The following ESRRB variants were observed in gnomAD, a reference collection of about 807,000 sequenced individuals.
The protein encoded by ESRRB is estrogen related receptor beta, also known as steroid hormone receptor ERR2.
ESRRB carries 16 observed loss-of-function variants against 46.0 expected under a neutral mutation model. The observed-to-expected ratio is 0.35, with a 90% CI of 0.24 to 0.53. The LOEUF is 0.53. ESRRB is among the 20% of genes least tolerant of loss of function. ESRRB has a pLI of 0.93. For missense variants in ESRRB, 488 were observed against 607.4 expected (o/e 0.80, Z 2.07); for synonymous variants, 246 against 259.6 (o/e 0.95, Z 0.50).
chr14:76,355,776 G>A (rs1462515496), intron 1 of ESRRB, among the ~76,000 whole-genome samples: 1 of 152,158 alleles, frequency 6.6e-6, no homozygotes, highest in Non-Finnish European at 1.5e-5. Flanking sequence ...CAACACATAG[G>A]AGGGAATCAT....
At position 76,420,432 on chromosome 14, in the gene ESRRB, G is replaced by A. The variant is rs372453153; in HGVS notation, c.51-18909G>A. On this transcript the variant is annotated intron_variant, in intron 1 of 6. Transcript: ENST00000644823. ...CATAATAAGAACTCAGAAGACACTCGTGCTATTTATTATATTTTAAAACTT... is the reference window on the plus strand; with the variant it reads ...CATAATAAGAACTCAGAAGACACTCATGCTATTTATTATATTTTAAAACTT... Among the ~76,000 whole-genome samples, 39 of 152,270 alleles carry A rather than the reference G, an allele frequency of 2.6e-4. No homozygotes were observed. In the East Asian group the frequency reaches 5.0e-3, roughly 20 times the overall value.
chr14:76,452,051 C>T (rs934218084), intron 2 of ESRRB, among the ~76,000 whole-genome samples: 2 of 151,802 alleles, frequency 1.3e-5, no homozygotes, highest in African/African-American at 4.8e-5. Context: ...AAGTGATTCT[C>T]CTGCCTCAGC....
At position 76,498,195 on chromosome 14, in the gene ESRRB, C is replaced by G; in HGVS notation, c.1121-19C>G. 1 of 1,613,548 alleles carries G rather than the reference C, an allele frequency of 6.2e-7. No individual in the cohort carries two copies. The highest frequency in any genetic ancestry group is 8.5e-7 in the Non-Finnish European group (1 of 1,179,948). ...CACTCCCTGGCCAAGCCTGCTAATG[C>G]TCGTCCTTGTGCCTGCAGATTCCAT... On this transcript the variant is annotated intron_variant, in intron 6 of 6. Transcript: ENST00000644823.
chr14:76,379,316 C>A (rs1231751498), intron 1 of ESRRB, among the ~76,000 whole-genome samples: 2 of 152,104 alleles, frequency 1.3e-5, no homozygotes, highest in Non-Finnish European at 2.9e-5. Context: ...AGCTGGAGAC[C>A]CACGGCAAAC....
At chr14:76,416,947 G>A (rs1886731764) in intron 1 of ESRRB, among the ~76,000 whole-genome samples, 1 of 152,196 alleles carries the variant, frequency 6.6e-6, no homozygotes. Context: ...AAGAATGGCT[G>A]TGAAGAAAGT....
intron 1 of ESRRB, among the ~76,000 whole-genome samples, chr14:76,337,869 GGA>G (rs1884146216): frequency 6.6e-6 from 1 of 152,196 alleles, no homozygotes. Flanking sequence ...GGTTTTGTGT[GGA>G]CACAAGCTCC....
intron 1 of ESRRB, among the ~76,000 whole-genome samples, chr14:76,313,210 T>C (rs774261210): frequency 1.3e-5 from 2 of 152,162 alleles, no homozygotes; most frequent in African/African-American, 4.8e-5. Context: ...GTTATAGAGA[T>C]GCAGTTCAGG....
At chr14:76,389,038 C>A (rs866160996) in intron 1 of ESRRB, among the ~76,000 whole-genome samples, 3 of 152,174 alleles carry the variant, frequency 2.0e-5, no homozygotes, top group Non-Finnish European at 2.9e-5. Context: ...AGGCACCCCC[C>A]ACCAAGCCAA....
Position 76,435,692 on chromosome 14 carries a change from G to A in ESRRB, c.51-3649G>A, listed in dbSNP as rs565420878. On this transcript the variant is annotated intron_variant, in intron 1 of 6. Coordinates refer to ENST00000644823, the MANE Select transcript of ESRRB (RefSeq NM_001379180.1). ...CTAAAAATACAAAAATTAGTCAGTC[G>A]TGGTGGCGGGAGCCTGTAATTCCAG... is the stretch of plus-strand genomic sequence containing the variant. Among the ~76,000 whole-genome samples, 483 of 152,316 alleles carry A rather than the reference G, an allele frequency of 3.2e-3. 6 individuals are homozygous for A. The highest frequency in any genetic ancestry group is 0.011 in the African/African-American group (461 of 41,566).
intron 1 of ESRRB, among the ~76,000 whole-genome samples, chr14:76,382,114 G>A (rs985178084): frequency 2.6e-5 from 4 of 152,180 alleles, no homozygotes; most frequent in Non-Finnish European, 5.9e-5. Flanking sequence ...ATCAAAAGCC[G>A]TGTCCACCCC....
chr14:76,353,453 C>T (rs1884338435), intron 1 of ESRRB, among the ~76,000 whole-genome samples: 1 of 152,226 alleles, frequency 6.6e-6, no homozygotes, highest in African/African-American at 2.4e-5. Flanking sequence ...CCCGCCCTGC[C>T]TGCCTCTGTG....
intron 1 of ESRRB, among the ~76,000 whole-genome samples, chr14:76,360,809 C>T (rs1884453828): frequency 6.6e-6 from 1 of 152,178 alleles, no homozygotes; most frequent in Admixed American, 6.5e-5. Context: ...TTGCTCTGCC[C>T]TACTGCTCCA....
chr14:76,381,670 G>A (rs899137015), intron 1 of ESRRB, among the ~76,000 whole-genome samples: 1 of 152,098 alleles, frequency 6.6e-6, no homozygotes, highest in Admixed American at 6.5e-5. Context: ...TGGGCTCAGC[G>A]GGCAGTAGCT....
chr14:76,469,929 GTTTTTTTTTTTTTTCTTTTT>G (rs1270738085), intron 3 of ESRRB, among the ~76,000 whole-genome samples: 63 of 78,746 alleles, frequency 8.0e-4, no homozygotes, highest in Middle Eastern at 0.018. Flanking sequence ...GTTTTTTGTT[GTTTTTTTTTTTTTTCTTTTT>G]TTTTTTTTTT....
intron 3 of ESRRB, among the ~76,000 whole-genome samples, chr14:76,464,323 C>T (rs1237260327): frequency 6.6e-6 from 1 of 152,210 alleles, no homozygotes; most frequent in Non-Finnish European, 1.5e-5. Context: ...TACCCCCTCT[C>T]CCAGGGCCCT....
At chr14:76,466,404 G>T (rs1889112016) in intron 3 of ESRRB, among the ~76,000 whole-genome samples, 1 of 152,088 alleles carries the variant, frequency 6.6e-6, no homozygotes, top group Non-Finnish European at 1.5e-5. Flanking sequence ...CAGACTTGGG[G>T]CTTCCTCTGG....
chr14:76,480,959 C>T (rs1889781923), intron 3 of ESRRB, among the ~76,000 whole-genome samples: 1 of 152,138 alleles, frequency 6.6e-6, no homozygotes, highest in African/African-American at 2.4e-5. Context: ...ATTTCATGAT[C>T]AGGAAAAGGG....
At chr14:76,418,452 T>C (rs1244717978) in intron 1 of ESRRB, among the ~76,000 whole-genome samples, 1 of 152,210 alleles carries the variant, frequency 6.6e-6, no homozygotes, top group East Asian at 1.9e-4. Context: ...CCATACTTTA[T>C]TGAGATTTCA....
At chr14:76,460,223 G>A (rs187460819) in intron 2 of ESRRB, among the ~76,000 whole-genome samples, 177 of 152,320 alleles carry the variant, frequency 1.2e-3, no homozygotes, top group Admixed American at 3.8e-3. Context: ...CCCACCAGGC[G>A]ACCTCAGCCG....
Sources: gnomAD v4.1 joint callset for allele counts (sites outside exome capture counted in the v4.1 genomes callset) on GRCh38, gnomAD v4.1.1 for gene constraint, MANE v1.5 for transcripts, NCBI Gene and HGNC (gene_info 2026-07-23, HGNC 2026-07-21) for gene names.